MAMDC2: variants seen among roughly 807,000 people sequenced by gnomAD.
MAMDC2 encodes the protein MAM domain-containing protein 2.
In MAMDC2, 57 loss-of-function variants were observed where a neutral mutation model predicts 89.8. The ratio of observed to expected loss-of-function variants is 0.63; its 90% confidence interval spans 0.51 to 0.79. The LOEUF is 0.79. Among genes scored for constraint, MAMDC2 ranks in the 30% least tolerant of loss-of-function variants. The pLI is 0.00. For synonymous variants in MAMDC2, 313 were observed against 293.4 expected (o/e 1.07, Z -0.68); for missense variants, 800 against 820.6 (o/e 0.97, Z 0.31).
At chr9:70,206,026 T>C (rs1347764545) in intron 11 of MAMDC2, among the ~76,000 whole-genome samples, 2 of 152,194 alleles carry the variant, frequency 1.3e-5, no homozygotes, top group Non-Finnish European at 2.9e-5. Flanking sequence ...GGTTTGTGCA[T>C]CAAAGGGGCA....
intron 2 of MAMDC2, among the ~76,000 whole-genome samples, chr9:70,081,225 G>C (rs1827646302): frequency 6.6e-6 from 1 of 152,050 alleles, no homozygotes; most frequent in African/African-American, 2.4e-5. Context: ...AGAGGAAAAT[G>C]AGGTAATGTG....
intron 9 of MAMDC2, among the ~76,000 whole-genome samples, chr9:70,152,953 T>C (rs1178874841): frequency 2.0e-5 from 3 of 152,154 alleles, no homozygotes; most frequent in Non-Finnish European, 4.4e-5. Flanking sequence ...GACTAATGAA[T>C]GTTTTTTTCT....
chr9:70,195,166 A>C (rs1249990587), intron 11 of MAMDC2, among the ~76,000 whole-genome samples: 5 of 152,126 alleles, frequency 3.3e-5, no homozygotes, highest in African/African-American at 1.2e-4. Flanking sequence ...AATATCACAA[A>C]AACTTTTGTA....
chr9:70,206,977 G>T (rs1432560561), intron 11 of MAMDC2, among the ~76,000 whole-genome samples: 1 of 152,140 alleles, frequency 6.6e-6, no homozygotes, highest in Admixed American at 6.5e-5. Context: ...TTTTATGGCT[G>T]CATAGTATTC....
intron 11 of MAMDC2, among the ~76,000 whole-genome samples, chr9:70,212,013 C>G (rs2033363294): frequency 6.6e-6 from 1 of 152,180 alleles, no homozygotes. Flanking sequence ...GGGCACCCAG[C>G]TGTATTAAGT....
intron 2 of MAMDC2, among the ~76,000 whole-genome samples, chr9:70,104,422 C>T (rs1230555888): frequency 6.6e-6 from 1 of 152,106 alleles, no homozygotes; most frequent in Non-Finnish European, 1.5e-5. Flanking sequence ...TTCCATGTGG[C>T]CTAACAATTC....
At chr9:70,068,437 G>T (rs902371366) in intron 2 of MAMDC2, among the ~76,000 whole-genome samples, 1 of 152,094 alleles carries the variant, frequency 6.6e-6, no homozygotes. Context: ...CCAATAGGGG[G>T]CCAGGTACAG....
At chr9:70,207,424 C>T (rs1440027603) in intron 11 of MAMDC2, among the ~76,000 whole-genome samples, 1 of 152,206 alleles carries the variant, frequency 6.6e-6, no homozygotes, top group Non-Finnish European at 1.5e-5. Context: ...GCATAAATGT[C>T]TTCTTTTGAG....
At chr9:70,165,993 A>G (rs956446538) in intron 9 of MAMDC2, among the ~76,000 whole-genome samples, 1 of 152,022 alleles carries the variant, frequency 6.6e-6, no homozygotes, top group Non-Finnish European at 1.5e-5. Flanking sequence ...TAATCCTAAC[A>G]CTTTGGGAGG....
At chr9:70,114,095 T>G (rs772474949) in intron 5 of MAMDC2, among the ~76,000 whole-genome samples, 1 of 151,586 alleles carries the variant, frequency 6.6e-6, no homozygotes, top group Non-Finnish European at 1.5e-5. Context: ...TCCAACTCTT[T>G]TTTTCAAAAG....
intron 8 of MAMDC2, among the ~76,000 whole-genome samples, chr9:70,141,451 A>G (rs538910083): frequency 3.9e-5 from 6 of 152,338 alleles, no homozygotes; most frequent in African/African-American, 1.4e-4. Context: ...AATCTTTTCA[A>G]AGGGCAAGAG....
chr9:70,162,808 T>C (rs905262458), intron 9 of MAMDC2, among the ~76,000 whole-genome samples: 9 of 151,766 alleles, frequency 5.9e-5, no homozygotes, highest in Non-Finnish European at 1.5e-5. Flanking sequence ...CCAGGAACTT[T>C]TATGAACTTT....
chr9:70,192,958 C>G (rs968783415), intron 11 of MAMDC2, among the ~76,000 whole-genome samples: 6 of 152,096 alleles, frequency 3.9e-5, no homozygotes, highest in Admixed American at 2.0e-4. Context: ...GGTGATTAGA[C>G]ATCACCTGGA....
chr9:70,114,213 T>C (rs935277829), intron 5 of MAMDC2, among the ~76,000 whole-genome samples: 1 of 149,148 alleles, frequency 6.7e-6, no homozygotes, highest in African/African-American at 2.5e-5. Context: ...TCAGGTTCAA[T>C]TCCCTGTAAC....
chr9:70,089,216 C>A (rs1383652924), intron 2 of MAMDC2: 1 of 152,166 alleles, frequency 6.6e-6, no homozygotes, highest in East Asian at 1.9e-4. Flanking sequence ...AGGACAGCAT[C>A]TTCTGACTCC....
intron 2 of MAMDC2, among the ~76,000 whole-genome samples, chr9:70,063,427 C>G (rs996012358): frequency 6.6e-6 from 1 of 152,100 alleles, no homozygotes; most frequent in Admixed American, 6.6e-5. Flanking sequence ...ATGGAGTGAG[C>G]ATAGTTCGTG....
intron 4 of MAMDC2, among the ~76,000 whole-genome samples, chr9:70,111,257 GA>G (rs1433922630): frequency 1.3e-5 from 2 of 151,236 alleles, no homozygotes; most frequent in South Asian, 4.1e-4. Context: ...GGATTCTTAG[GA>G]GGAGGAATAT....
intron 11 of MAMDC2, among the ~76,000 whole-genome samples, chr9:70,200,351 C>G (rs2033074841): frequency 6.8e-6 from 1 of 146,412 alleles, no homozygotes; most frequent in Admixed American, 6.8e-5. Context: ...TGTCAAAGAT[C>G]AGATAGTTGT....
At chr9:70,188,264 C>A (rs1409735232) in intron 11 of MAMDC2, among the ~76,000 whole-genome samples, 1 of 152,118 alleles carries the variant, frequency 6.6e-6, no homozygotes, top group Non-Finnish European at 1.5e-5. Context: ...ATTCATTCTA[C>A]CAGTCTCTAC....
Sources: allele counts gnomAD v4.1 joint callset (sites outside exome capture counted in the v4.1 genomes callset), GRCh38; gene constraint gnomAD v4.1.1; transcripts MANE v1.5; gene names NCBI Gene and HGNC (gene_info 2026-07-23, HGNC 2026-07-21).